Variants in CPNE4 observed in about 807,000 individuals in gnomAD.
CPNE4 encodes copine-4.
Under a neutral mutation model 67.9 loss-of-function variants are expected in CPNE4, and 25 were observed. That is an observed-to-expected ratio of 0.37 (90% CI 0.27 to 0.51). The LOEUF (loss-of-function observed/expected upper bound fraction) is 0.51, where lower values mean the gene tolerates loss of function less well. Ranked by LOEUF, CPNE4 falls within the 20% of genes least tolerant of loss-of-function variation. The pLI is 0.93. For missense variants in CPNE4, 464 were observed against 690.8 expected (o/e 0.67, Z 3.68); for synonymous variants, 242 against 244.9 (o/e 0.99, Z 0.11).
intron 1 of CPNE4, among the ~76,000 whole-genome samples, chr3:131,947,200 A>G (rs2071576861): frequency 6.6e-6 from 1 of 151,704 alleles, no homozygotes; most frequent in South Asian, 2.1e-4. Flanking sequence ...GAATTTGAGG[A>G]TCAGTTTTGT....
chr3:131,914,261 T>C (rs1256912088), intron 1 of CPNE4, among the ~76,000 whole-genome samples: 1 of 152,174 alleles, frequency 6.6e-6, no homozygotes, highest in African/African-American at 2.4e-5. Flanking sequence ...CCTTAACCAC[T>C]TTGCTGTTCT....
intron 7 of CPNE4, among the ~76,000 whole-genome samples, chr3:131,637,764 G>T (rs1176024094): frequency 6.6e-6 from 1 of 152,084 alleles, no homozygotes. Context: ...ATGAAGGAAA[G>T]AATATTAAGA....
chr3:131,966,155 A>G (rs564228427), intron 1 of CPNE4, among the ~76,000 whole-genome samples: 11 of 152,368 alleles, frequency 7.2e-5, no homozygotes, highest in African/African-American at 2.6e-4. Context: ...GCAGAAATAA[A>G]TAAGTTATTT....
rs78238532 is a variant in CPNE4, at chr3:131,770,091, G to A, written c.181-46466C>T. ...TATAGGAGTTTTTGTGTGTCTGTGTGTCTTTTGTTTGTTTTCACAGCACAA... is the reference window on the plus strand; with the variant it reads ...TATAGGAGTTTTTGTGTGTCTGTGTATCTTTTGTTTGTTTTCACAGCACAA... On this transcript the variant is annotated intron_variant, in intron 2 of 15. Transcript: ENST00000429747. 5.8e-3 allele frequency among the ~76,000 whole-genome samples: 876 copies of A among 152,228 alleles called. 8 individuals are homozygous for A. Among genetic ancestry groups the A allele is most frequent in the African/African-American group, 0.02 (832 of 41,530 alleles).
chr3:131,851,706 A>G (rs1560464751), intron 2 of CPNE4, among the ~76,000 whole-genome samples: 1 of 152,124 alleles, frequency 6.6e-6, no homozygotes, highest in Non-Finnish European at 1.5e-5. Flanking sequence ...AGAGCAATCC[A>G]GTGGAGGAAA....
intron 2 of CPNE4, among the ~76,000 whole-genome samples, chr3:131,775,567 TAGTG>T (rs1410936472): frequency 6.6e-6 from 1 of 152,090 alleles, no homozygotes; most frequent in Non-Finnish European, 1.5e-5. Context: ...TTTCTTGTGA[TAGTG>T]AGTAAGTCTC....
chr3:131,991,910 A>G (rs2073183318), intron 1 of CPNE4, among the ~76,000 whole-genome samples: 1 of 136,234 alleles, frequency 7.3e-6, no homozygotes, highest in African/African-American at 2.5e-5. Context: ...CAGAGGGTGA[A>G]AGTGCCAAGA....
chr3:131,700,053 C>CTT, intron 3 of CPNE4, 73 bp from the exon 4 acceptor site: 3 of 345,116 alleles, frequency 8.7e-6, no homozygotes, highest in Non-Finnish European at 1.4e-5. Context: ...ATTTTTTAAA[C>CTT]CTTTTTTTTT....
intron 2 of CPNE4, among the ~76,000 whole-genome samples, chr3:131,851,568 AT>A (rs1056623349): frequency 6.6e-6 from 1 of 152,086 alleles, no homozygotes; most frequent in Non-Finnish European, 1.5e-5. Flanking sequence ...GGTGTAACAA[AT>A]TTTATAGAGT....
At chr3:131,580,417 C>T (rs7651872) in intron 9 of CPNE4, among the ~76,000 whole-genome samples, 2 of 128,086 alleles carry the variant, frequency 1.6e-5, no homozygotes, top group African/African-American at 7.2e-5. Flanking sequence ...TATACATATA[C>T]ATATACATAT....
intron 1 of CPNE4, among the ~76,000 whole-genome samples, chr3:131,931,352 A>C (rs995013162): frequency 2.6e-5 from 4 of 152,196 alleles, no homozygotes; most frequent in Non-Finnish European, 5.9e-5. Context: ...AGGTCTTCTC[A>C]GGAAGGCGAA....
At chr3:131,700,596 T>C (rs914123546) in intron 3 of CPNE4, among the ~76,000 whole-genome samples, 1 of 152,220 alleles carries the variant, frequency 6.6e-6, no homozygotes, top group African/African-American at 2.4e-5. Context: ...TGTCCCATTC[T>C]CTTTTTCCTC....
chr3:131,726,695 T>C (rs560326629), intron 2 of CPNE4, among the ~76,000 whole-genome samples: 1 of 115,860 alleles, frequency 8.6e-6, no homozygotes, highest in South Asian at 3.1e-4. Context: ...TTACTGGTGC[T>C]ACCAGCTGCA....
chr3:131,565,749 G>C (rs1367276873), intron 10 of CPNE4, among the ~76,000 whole-genome samples: 1 of 147,140 alleles, frequency 6.8e-6, no homozygotes, highest in Non-Finnish European at 1.5e-5. Context: ...TTCAAACTCT[G>C]TTTTCAGAAT....
intron 3 of CPNE4, among the ~76,000 whole-genome samples, chr3:131,703,157 C>A (rs1347873359): frequency 6.6e-6 from 1 of 152,216 alleles, no homozygotes; most frequent in Non-Finnish European, 1.5e-5. Context: ...GCAGCTGTAG[C>A]AACTGCACCC....
At chr3:131,745,145 T>A (rs913660531) in intron 2 of CPNE4, among the ~76,000 whole-genome samples, 7 of 152,190 alleles carry the variant, frequency 4.6e-5, no homozygotes, top group Non-Finnish European at 8.8e-5. Flanking sequence ...TGTAATAGTA[T>A]CTCGTTGTTG....
chr3:131,876,469 C>T (rs2087458516), intron 2 of CPNE4, among the ~76,000 whole-genome samples: 1 of 150,840 alleles, frequency 6.6e-6, no homozygotes, highest in Admixed American at 6.6e-5. Flanking sequence ...GGTGAAACCC[C>T]ATCTCTACTA....
At chr3:131,699,072 C>CT (rs1018573578) in intron 4 of CPNE4, among the ~76,000 whole-genome samples, 3 of 151,986 alleles carry the variant, frequency 2.0e-5, no homozygotes, top group African/African-American at 7.2e-5. Context: ...TTGTTTGTTT[C>CT]TTTTTTCACT....
chr3:131,813,369 C>A (rs2084608726), intron 2 of CPNE4, among the ~76,000 whole-genome samples: 1 of 150,556 alleles, frequency 6.6e-6, no homozygotes, highest in African/African-American at 2.4e-5. Context: ...AAAATCCATT[C>A]ACGTTTTTTA....
Sources: allele counts gnomAD v4.1 joint callset (sites outside exome capture counted in the v4.1 genomes callset), GRCh38; gene constraint gnomAD v4.1.1; transcripts MANE v1.5; gene names NCBI Gene and HGNC (gene_info 2026-07-23, HGNC 2026-07-21).